The following EFR3B variants were observed in gnomAD, a reference collection of about 807,000 sequenced individuals.
The protein encoded by EFR3B is protein EFR3 homolog B.
EFR3B carries 64 observed loss-of-function variants against 104.7 expected under a neutral mutation model. The ratio of observed to expected loss-of-function variants is 0.61; its 90% CI spans 0.50 to 0.75. The LOEUF (loss-of-function observed/expected upper bound fraction) is 0.75, where lower values mean the gene tolerates loss of function less well. Ranked by LOEUF, EFR3B falls within the 30% of genes least tolerant of loss-of-function variation. The pLI is 0.00. For synonymous variants in EFR3B, 385 were observed against 417.9 expected (o/e 0.92, Z 0.96); for missense variants, 750 against 1,078.5 (o/e 0.70, Z 4.27).
intron 1 of EFR3B, among the ~76,000 whole-genome samples, chr2:25,053,295 G>T (rs1667930431): frequency 6.6e-6 from 1 of 152,200 alleles, no homozygotes; most frequent in Admixed American, 6.5e-5. Context: ...AGAAAGAAAG[G>T]CCCCAGGAAG....
At chr2:25,087,101 G>C (rs1343612586) in intron 1 of EFR3B, among the ~76,000 whole-genome samples, 1 of 152,044 alleles carries the variant, frequency 6.6e-6, no homozygotes, top group Non-Finnish European at 1.5e-5. Flanking sequence ...ATATGGCGGC[G>C]GCGAGGAGAA....
intron 4 of EFR3B, among the ~76,000 whole-genome samples, chr2:25,105,917 C>G (rs1226648847): frequency 6.6e-6 from 1 of 152,202 alleles, no homozygotes; most frequent in Non-Finnish European, 1.5e-5. Context: ...AGCAAGCTGA[C>G]TAATGATTGC....
chr2:25,091,520 T>A, intron 2 of EFR3B, 119 bp downstream of exon 2: 3 of 880,728 alleles, frequency 3.4e-6, no homozygotes, highest in Non-Finnish European at 5.1e-6. Flanking sequence ...TCAGGGTCCC[T>A]GGGCACTGAG....
chr2:25,083,149 C>T (rs1299802951), intron 1 of EFR3B, among the ~76,000 whole-genome samples: 1 of 152,172 alleles, frequency 6.6e-6, no homozygotes, highest in East Asian at 1.9e-4. Context: ...CCCTCTCTTC[C>T]TTAAAATAGG....
chr2:25,143,283 G>A (rs1670725341), intron 17 of EFR3B, among the ~76,000 whole-genome samples: 1 of 152,142 alleles, frequency 6.6e-6, no homozygotes, highest in Non-Finnish European at 1.5e-5. Flanking sequence ...AATGAATAGT[G>A]GTTATCTCTG....
In EFR3B at chr2:25,114,689, G is replaced by T. The variant is rs1669811597; in HGVS notation, c.364-6984G>T. ...ACCCCAGTTCTCCCCTTCAGAGGAA[G>T]TGGCTGTCCATCCATCCAGCCTTGA... is the stretch of plus-strand genomic sequence containing the variant. On this transcript the variant is annotated intron_variant, in intron 4 of 22. Transcript: ENST00000403714. This position sits in a 1 kb window ranked among gnomAD's most constrained non-coding sequence, Gnocchi z 4.0. Among the ~76,000 whole-genome samples, 1 of 152,192 alleles carries T rather than the reference G, an allele frequency of 6.6e-6. No homozygotes were observed.
rs568393711 is a variant in EFR3B at position 25,092,968 on chromosome 2, T to TAGTGA, written c.85-35_85-34insAGTGA. The TAGTGA allele has an allele frequency of 5.6e-4, 860 of 1,538,712 alleles. 5 individuals carry two copies. The African/African-American group carries it at 0.011, about 20-fold the overall frequency. ...GACTTGAACTCGTCTAGCCATAGTG[T>TAGTGA]GGCCATAGTGAGCACAAGCTGTTTT... On this transcript the variant is annotated intron_variant, in intron 2 of 22. Transcript: ENST00000403714.
rs1049970623 is a variant in EFR3B, at chr2:25,115,194, A to G, written c.364-6479A>G. On this transcript the variant is annotated intron_variant, in intron 4 of 22. Transcript: ENST00000403714. ...GAGATACTGTCTCAAGAAAAAGAAAAGAAAAGAAAATGCAGATACCTAAGC... is the reference window on the plus strand; with the variant it reads ...GAGATACTGTCTCAAGAAAAAGAAAGGAAAAGAAAATGCAGATACCTAAGC... 4.6e-5 allele frequency among the ~76,000 whole-genome samples: 7 copies of G among 152,314 alleles called. No homozygotes were observed. The East Asian group carries it at 1.2e-3, about 25-fold the overall frequency.
At chr2:25,118,022 C>T (rs2149198862) in intron 4 of EFR3B, among the ~76,000 whole-genome samples, 1 of 152,282 alleles carries the variant, frequency 6.6e-6, no homozygotes, top group Admixed American at 6.5e-5. Flanking sequence ...TTCTGTCGCC[C>T]AGGCTGGAGT....
chr2:25,042,979 C>T lies in EFR3B; in HGVS notation c.7+660C>T, dbSNP rs530112214. Among the ~76,000 whole-genome samples the T allele has an allele frequency of 1.3e-5, 2 of 152,148 alleles. No homozygotes were observed. The highest frequency in any genetic ancestry group is 2.9e-5 in the Non-Finnish European group (2 of 68,030). On this transcript the variant is annotated intron_variant, in intron 1 of 22. Transcript: ENST00000403714. The surrounding 1 kb of genome is among the most constrained non-coding windows in gnomAD (Gnocchi z 5.4). ...CCTCCACCGCCATCCCCTCAACTGC[C>T]GTGCAACAGTTAGCCAGACCCTCAC...
At chr2:25,113,629 C>G (rs1573211874) in intron 4 of EFR3B, among the ~76,000 whole-genome samples, 1 of 149,626 alleles carries the variant, frequency 6.7e-6, no homozygotes, top group Non-Finnish European at 1.5e-5. Context: ...GATCGTGCCA[C>G]TGCACTCCAG....
intron 1 of EFR3B, chr2:25,079,986 G>T: frequency 1.9e-6 from 2 of 1,044,468 alleles, no homozygotes; most frequent in Non-Finnish European, 3.0e-6. Flanking sequence ...CGTTCTAGCA[G>T]TTTCCTCCAA....
intron 1 of EFR3B, among the ~76,000 whole-genome samples, chr2:25,054,821 A>G (rs1288791276): frequency 6.6e-6 from 1 of 152,214 alleles, no homozygotes; most frequent in Non-Finnish European, 1.5e-5. Flanking sequence ...AGAGGGGACA[A>G]CCATGAACTG....
chr2:25,047,900 A>G (rs1337578856), intron 1 of EFR3B, among the ~76,000 whole-genome samples: 1 of 152,246 alleles, frequency 6.6e-6, no homozygotes, highest in Non-Finnish European at 1.5e-5. Context: ...CAAACAAAGG[A>G]AAAATATAAA....
At chr2:25,142,339 T>G (rs535876208) in intron 17 of EFR3B, among the ~76,000 whole-genome samples, 1 of 150,122 alleles carries the variant, frequency 6.7e-6, no homozygotes, top group South Asian at 2.1e-4. Context: ...GCTACTCTAC[T>G]CGGGAGGCTG....
At chr2:25,057,412 C>CAA (rs70947862) in intron 1 of EFR3B, among the ~76,000 whole-genome samples, 153 of 142,812 alleles carry the variant, frequency 1.1e-3, no homozygotes, top group African/African-American at 2.3e-3. Context: ...GCATGGCTAA[C>CAA]AAAAAAAAAA....
intron 19 of EFR3B, 115 bp from the exon 20 acceptor site, chr2:25,149,579 G>A (rs1670945355): frequency 9.4e-7 from 1 of 1,064,424 alleles, no homozygotes; most frequent in Non-Finnish European, 1.4e-6. Flanking sequence ...GGGACTTCCT[G>A]CCCACTGGGA....
chr2:25,080,647 A>G, intron 1 of EFR3B: 3 of 619,110 alleles, frequency 4.8e-6, no homozygotes, highest in Non-Finnish European at 8.6e-6. Context: ...ACCATTTACT[A>G]GACAGTCTGT....
At position 25,059,362 on chromosome 2, in the gene EFR3B, T is replaced by G. The variant is rs557405259; in HGVS notation, c.7+17043T>G. Among the ~76,000 whole-genome samples, 135 of 151,996 alleles carry G rather than the reference T, an allele frequency of 8.9e-4. 1 individual carries two copies. Among genetic ancestry groups the G allele is most frequent in the African/African-American group, 3.1e-3 (130 of 41,474 alleles). On this transcript the variant is annotated intron_variant, in intron 1 of 22. Transcript: ENST00000403714. ...GTTTCCCAAAGTGCTGGGATTACAG[T>G]CATGAACCACCACACCCGGCCAATA...
Sources: gnomAD v4.1 joint callset for allele counts (sites outside exome capture counted in the v4.1 genomes callset) on GRCh38, gnomAD v4.1.1 for gene constraint, Gnocchi (gnomAD v3.1) non-coding constraint, MANE v1.5 for transcripts, NCBI Gene and HGNC (gene_info 2026-07-23, HGNC 2026-07-21) for gene names.